MTHFD2L: variants seen among roughly 807,000 people sequenced by gnomAD.
MTHFD2L encodes bifunctional methylenetetrahydrofolate dehydrogenase/cyclohydrolase 2, mitochondrial.
A neutral mutation model predicts 34.9 loss-of-function variants in MTHFD2L; 29 were observed. The observed-to-expected ratio is 0.83, with a 90% CI of 0.62 to 1.13. MTHFD2L has a LOEUF of 1.13. Among genes scored for constraint, MTHFD2L ranks in the 50% most tolerant of loss-of-function variants. The probability of loss-of-function intolerance (pLI) is 0.00; values close to 1 mark genes in which losing one functional copy is unlikely to be tolerated. For synonymous variants in MTHFD2L, 167 were observed against 155.7 expected, an observed-to-expected ratio of 1.07 and a Z score of -0.54; for missense variants, 481 against 446.5, an observed-to-expected ratio of 1.08 and a Z score of -0.70.
At chr4:74,223,412 A>G (rs1241138787) in intron 5 of MTHFD2L, among the ~76,000 whole-genome samples, 1 of 152,078 alleles carries the variant, frequency 6.6e-6, no homozygotes, top group Non-Finnish European at 1.5e-5. Context: ...TAGGAGCTAA[A>G]TGATGAGGGC....
intron 1 of MTHFD2L, among the ~76,000 whole-genome samples, chr4:74,152,995 A>G (rs1724035041): frequency 6.6e-6 from 1 of 152,228 alleles, no homozygotes; most frequent in Non-Finnish European, 1.5e-5. Context: ...CTCAGGCAGT[A>G]GCTACCCATG....
intron 7 of MTHFD2L, among the ~76,000 whole-genome samples, chr4:74,298,654 A>T (rs957618573): frequency 3.3e-5 from 5 of 152,058 alleles, no homozygotes; most frequent in Admixed American, 3.3e-4. Flanking sequence ...TTTGAAGTGT[A>T]ATATGTAGTT....
intron 6 of MTHFD2L, among the ~76,000 whole-genome samples, chr4:74,251,203 A>G (rs549953766): frequency 6.6e-6 from 1 of 152,218 alleles, no homozygotes; most frequent in South Asian, 2.1e-4. Flanking sequence ...CTCCAAAATC[A>G]TTAGATACAT....
chr4:74,301,956 CAT>C lies in MTHFD2L; in HGVS notation c.*149_*150del, dbSNP rs1446289023. 2.2e-6 allele frequency: 1 copy of C among 453,804 alleles called. No homozygotes were observed. Among genetic ancestry groups the C allele is most frequent in the Non-Finnish European group, 3.9e-6 (1 of 253,976 alleles). 28.1% of individuals were successfully genotyped at this position (453,804 alleles called of 1,614,324 possible). Reference sequence around the variant, plus strand: ...AAATCATTGTGAATCAATTGATTCACATAGTTTTATGCATTTCCTGCTAATTT... The same window carrying C: ...AAATCATTGTGAATCAATTGATTCACAGTTTTATGCATTTCCTGCTAATTT... On this transcript the variant is annotated 3_prime_UTR_variant, in exon 8 of 8. Transcript: ENST00000325278.
intron 3 of MTHFD2L, among the ~76,000 whole-genome samples, chr4:74,175,722 G>A (rs1274570381): frequency 6.6e-6 from 1 of 151,996 alleles, no homozygotes; most frequent in African/African-American, 2.4e-5. Flanking sequence ...CAATTTTTCT[G>A]TGGCCTTTAA....
At chr4:74,231,278 C>G (rs1298548930) in intron 6 of MTHFD2L, among the ~76,000 whole-genome samples, 4 of 152,130 alleles carry the variant, frequency 2.6e-5, no homozygotes, top group Non-Finnish European at 4.4e-5. Context: ...TATCCTAGGG[C>G]TCAATAGGGT....
chr4:74,209,512 A>G (rs1032333268), intron 5 of MTHFD2L, among the ~76,000 whole-genome samples: 1 of 152,200 alleles, frequency 6.6e-6, no homozygotes, highest in African/African-American at 2.4e-5. Context: ...TGTCCCTGCA[A>G]AGAGCATGAA....
chr4:74,156,438 A>C (rs1467848033), upstream of MTHFD2L: 1 of 152,198 alleles, frequency 6.6e-6, no homozygotes, highest in Non-Finnish European at 1.5e-5. Flanking sequence ...CTGATGAATA[A>C]TATCCCATTG....
chr4:74,216,949 C>G (rs1232815073), intron 5 of MTHFD2L, among the ~76,000 whole-genome samples: 1 of 151,728 alleles, frequency 6.6e-6, no homozygotes, highest in Admixed American at 6.6e-5. Context: ...CTTGATCACC[C>G]ATGTCTTCCT....
At chr4:74,145,890 G>T (rs1409135801) in intron 1 of MTHFD2L, among the ~76,000 whole-genome samples, 1 of 152,088 alleles carries the variant, frequency 6.6e-6, no homozygotes, top group Non-Finnish European at 1.5e-5. Flanking sequence ...ATAAGTAAAT[G>T]CTCTCTGAGG....
At chr4:74,265,528 C>A (rs890164506) in intron 6 of MTHFD2L, among the ~76,000 whole-genome samples, 1 of 152,154 alleles carries the variant, frequency 6.6e-6, no homozygotes, top group Admixed American at 6.6e-5. Flanking sequence ...TCATTTACTT[C>A]TCTATCCAGT....
chr4:74,186,402 A>T (rs780370467), intron 3 of MTHFD2L, among the ~76,000 whole-genome samples: 1 of 146,694 alleles, frequency 6.8e-6, no homozygotes, highest in African/African-American at 2.5e-5. Flanking sequence ...AAAGCAGATG[A>T]CATGATTGTC....
At chr4:74,297,326 T>C (rs988090476) in intron 7 of MTHFD2L, among the ~76,000 whole-genome samples, 10 of 152,090 alleles carry the variant, frequency 6.6e-5, no homozygotes, top group Non-Finnish European at 1.3e-4. Flanking sequence ...TTTCAGTAGG[T>C]CTAAAATCAT....
Position 74,301,464 on chromosome 4 carries a change from G to A in MTHFD2L, c.932-233G>A, listed in dbSNP as rs375911276. Among the ~76,000 whole-genome samples, 28 of 151,650 alleles carry A rather than the reference G, an allele frequency of 1.8e-4. No individual in the cohort carries two copies. In the East Asian group the frequency reaches 3.7e-3, roughly 20 times the overall value. On this transcript the variant is annotated intron_variant, in intron 7 of 7. Transcript: ENST00000325278. ...TGCATGGAGCTTGAACCTAGGTGTC[G>A]GTCCATTTTGGTCTTTCTGTCCACC...
intron 6 of MTHFD2L, among the ~76,000 whole-genome samples, chr4:74,228,023 C>T (rs1006592105): frequency 1.3e-5 from 2 of 152,094 alleles, no homozygotes; most frequent in African/African-American, 4.8e-5. Flanking sequence ...GTAGTTGGCT[C>T]CTCATAGAGT....
At chr4:74,165,476 A>G (rs1297480120) in intron 1 of MTHFD2L, among the ~76,000 whole-genome samples, 5 of 151,226 alleles carry the variant, frequency 3.3e-5, no homozygotes, top group African/African-American at 9.7e-5. Flanking sequence ...TCCTGCCTCA[A>G]CCTCCCGAGT....
In MTHFD2L at chr4:74,302,201, C is replaced by A. The variant is rs1750404591; in HGVS notation, c.*392C>A. 1 of 154,426 alleles carries A rather than the reference C, an allele frequency of 6.5e-6. No homozygotes were observed. Among genetic ancestry groups the A allele is most frequent in the African/African-American group, 2.4e-5 (1 of 41,528 alleles). 9.6% of individuals were successfully genotyped at this position (154,426 alleles called of 1,614,324 possible). A position where few individuals can be genotyped will look rare whatever the true frequency, so the allele number is the denominator to read the frequency against. Reference sequence around the variant, plus strand: ...ATAAAATGTAATTTAGGTTTTGCTACTTGCATGCTAACATTTTTAATGTAT... The same window carrying A: ...ATAAAATGTAATTTAGGTTTTGCTAATTGCATGCTAACATTTTTAATGTAT... On this transcript the variant is annotated 3_prime_UTR_variant, in exon 8 of 8. Transcript: ENST00000325278.
At chr4:74,261,786 C>T (rs1186063560) in intron 6 of MTHFD2L, among the ~76,000 whole-genome samples, 1 of 151,984 alleles carries the variant, frequency 6.6e-6, no homozygotes, top group Non-Finnish European at 1.5e-5. Context: ...TTAGCTTTCC[C>T]ACTTGCAAGT....
intron 6 of MTHFD2L, 130 bp from the exon 7 acceptor site, chr4:74,281,295 G>GT (rs1403851747): frequency 4.4e-6 from 4 of 916,220 alleles, no homozygotes; most frequent in Non-Finnish European, 6.2e-6. Flanking sequence ...TCAATGGCCT[G>GT]TTTTTTAAGG....
Sources: allele counts gnomAD v4.1 joint callset (sites outside exome capture counted in the v4.1 genomes callset), GRCh38; gene constraint gnomAD v4.1.1; transcripts MANE v1.5; gene names NCBI Gene and HGNC (gene_info 2026-07-23, HGNC 2026-07-21).